The following EXOC6B variants were observed in gnomAD, a reference collection of about 807,000 sequenced individuals.
EXOC6B encodes exocyst complex component 6B.
EXOC6B carries 54 observed loss-of-function variants against 113.5 expected under a neutral mutation model. The ratio of observed to expected loss-of-function variants is 0.48; its 90% CI spans 0.38 to 0.60. The LOEUF is 0.60. EXOC6B is among the 20% of genes least tolerant of loss of function. The probability of loss-of-function intolerance (pLI) is 0.00; values close to 1 mark genes in which losing one functional copy is unlikely to be tolerated. For missense variants in EXOC6B, 797 were observed against 977.5 expected (o/e 0.82, Z 2.46); for synonymous variants, 357 against 339.0 (o/e 1.05, Z -0.58).
chr2:72,484,567 A>AC (rs1447747163), intron 16 of EXOC6B, among the ~76,000 whole-genome samples: 132 of 102,106 alleles, frequency 1.3e-3, no homozygotes, highest in African/African-American at 6.2e-3. Context: ...ACTCCGTCAC[A>AC]AAAAAAAAAA....
intron 19 of EXOC6B, among the ~76,000 whole-genome samples, chr2:72,358,410 C>G (rs1051362248): frequency 6.6e-6 from 1 of 152,070 alleles, no homozygotes; most frequent in Non-Finnish European, 1.5e-5. Context: ...CATAGCTAGT[C>G]GTTGGCAAAA....
At chr2:72,713,423 C>CT (rs201532908) in intron 6 of EXOC6B, among the ~76,000 whole-genome samples, 90 of 149,620 alleles carry the variant, frequency 6.0e-4, no homozygotes, top group Non-Finnish European at 1.0e-3. Flanking sequence ...AGAACAAATT[C>CT]TTTTTTTTTT....
At chr2:72,246,921 A>G (rs1450338228) in intron 20 of EXOC6B, among the ~76,000 whole-genome samples, 1 of 152,206 alleles carries the variant, frequency 6.6e-6, no homozygotes, top group South Asian at 2.1e-4. Context: ...GAGGTGAAAG[A>G]GATGGCCTTC....
At chr2:72,701,451 T>C (rs1678338362) in intron 6 of EXOC6B, among the ~76,000 whole-genome samples, 1 of 151,388 alleles carries the variant, frequency 6.6e-6, no homozygotes, top group Admixed American at 6.6e-5. Context: ...ATAGGTCTCA[T>C]CAGCAAAGTA....
At chr2:72,672,413 G>A (rs1003529237) in intron 6 of EXOC6B, among the ~76,000 whole-genome samples, 2 of 151,718 alleles carry the variant, frequency 1.3e-5, no homozygotes, top group Admixed American at 1.3e-4. Context: ...GGCGGATCAC[G>A]AGGTCAGGAC....
intron 6 of EXOC6B, among the ~76,000 whole-genome samples, chr2:72,651,968 A>C (rs1430667431): frequency 6.6e-6 from 1 of 152,220 alleles, no homozygotes; most frequent in Non-Finnish European, 1.5e-5. Context: ...GATCCAGTAT[A>C]ATAATTTGGC....
At chr2:72,237,822 G>A (rs1682060333) in intron 20 of EXOC6B, among the ~76,000 whole-genome samples, 1 of 152,122 alleles carries the variant, frequency 6.6e-6, no homozygotes, top group African/African-American at 2.4e-5. Flanking sequence ...AGAGGCAAGA[G>A]AGAGCCAAGA....
intron 6 of EXOC6B, among the ~76,000 whole-genome samples, chr2:72,614,617 T>C (rs1196823826): frequency 6.6e-6 from 1 of 152,172 alleles, no homozygotes; most frequent in Non-Finnish European, 1.5e-5. Context: ...TAATTAATTA[T>C]ATTTCTAGTA....
Position 72,565,349 on chromosome 2 carries a change from T to TAAAAA in EXOC6B, c.847-5833_847-5829dup, listed in dbSNP as rs10672375. Among the ~76,000 whole-genome samples, 106 of 45,132 alleles carry TAAAAA rather than the reference T, an allele frequency of 2.3e-3. 7 individuals carry two copies. The highest frequency in any genetic ancestry group is 9.6e-3 in the African/African-American group (96 of 9,982). 29.6% of individuals were successfully genotyped at this position (45,132 alleles called of 152,430 possible). A position where few individuals can be genotyped will look rare whatever the true frequency, so the allele number is the denominator to read the frequency against. ...CTGAGTGACAGAGTGAGACCCTGTC[T>TAAAAA]AAAAAAAAAAAAAAAAAAAAAAAAA... On this transcript the variant is annotated intron_variant, in intron 7 of 21. Transcript: ENST00000272427.
chr2:72,387,013 T>C (rs1692067987), intron 18 of EXOC6B, among the ~76,000 whole-genome samples: 10 of 152,166 alleles, frequency 6.6e-5, no homozygotes. Context: ...ATGTTAGCTA[T>C]AGATTTCTTA....
intron 1 of EXOC6B, among the ~76,000 whole-genome samples, chr2:72,808,402 TATAA>T (rs1008811210): frequency 3.0e-4 from 45 of 152,300 alleles, no homozygotes; most frequent in African/African-American, 1.0e-3. Context: ...ATAAGTTACA[TATAA>T]ATAATGTAGC....
At chr2:72,240,717 G>GA (rs1229225298) in intron 20 of EXOC6B, among the ~76,000 whole-genome samples, 3 of 151,980 alleles carry the variant, frequency 2.0e-5, no homozygotes, top group African/African-American at 4.8e-5. Flanking sequence ...CTACTATAAA[G>GA]AAAAAAACAA....
chr2:72,788,551 C>G (rs946013734), intron 1 of EXOC6B, among the ~76,000 whole-genome samples: 6 of 152,210 alleles, frequency 3.9e-5, no homozygotes, highest in Non-Finnish European at 8.8e-5. Context: ...AATCCTAGCA[C>G]TTTGGGAGGC....
intron 19 of EXOC6B, among the ~76,000 whole-genome samples, chr2:72,353,076 T>C (rs1008175009): frequency 6.6e-6 from 1 of 152,142 alleles, no homozygotes; most frequent in Non-Finnish European, 1.5e-5. Context: ...TTGGCCTACA[T>C]GGGTGAAAGG....
chr2:72,283,952 A>G (rs1446816436), intron 20 of EXOC6B, among the ~76,000 whole-genome samples: 1 of 152,168 alleles, frequency 6.6e-6, no homozygotes, highest in Non-Finnish European at 1.5e-5. Flanking sequence ...TCAATCTGAA[A>G]AAGCATATAA....
chr2:72,437,324 G>A (rs974198799), intron 18 of EXOC6B, among the ~76,000 whole-genome samples: 4 of 152,226 alleles, frequency 2.6e-5, no homozygotes, highest in East Asian at 1.9e-4. Context: ...CCTGTATGAG[G>A]TGCCTGTCAA....
chr2:72,182,986 G>C (rs1296024137), intron 21 of EXOC6B: 5 of 979,792 alleles, frequency 5.1e-6, no homozygotes, highest in South Asian at 5.3e-5. Context: ...GTGGTCAGGA[G>C]AAAACTGCAG....
chr2:72,185,984 C>A (rs534605120), intron 20 of EXOC6B, among the ~76,000 whole-genome samples: 1 of 147,586 alleles, frequency 6.8e-6, no homozygotes, highest in African/African-American at 2.5e-5. Context: ...TGAGTGAGAA[C>A]ATGAGGTGTT....
intron 18 of EXOC6B, among the ~76,000 whole-genome samples, chr2:72,414,019 C>T (rs1229287851): frequency 6.6e-6 from 1 of 152,118 alleles, no homozygotes; most frequent in East Asian, 1.9e-4. Flanking sequence ...CTTAATATTC[C>T]CATTTCTTGT....
Sources: allele counts gnomAD v4.1 joint callset (sites outside exome capture counted in the v4.1 genomes callset), GRCh38; gene constraint gnomAD v4.1.1; transcripts MANE v1.5; gene names NCBI Gene and HGNC (gene_info 2026-07-23, HGNC 2026-07-21).